Variants in AGBL1 observed in about 807,000 individuals in gnomAD.
The protein encoded by AGBL1 is cytosolic carboxypeptidase 4.
Under a neutral mutation model 118.9 loss-of-function variants are expected in AGBL1, and 130 were observed. The observed-to-expected ratio is 1.09, with a 90% CI of 0.95 to 1.26. The LOEUF is 1.26. Among genes scored for constraint, AGBL1 ranks in the 50% most tolerant of loss-of-function variants. The pLI, the probability that AGBL1 is intolerant of heterozygous loss-of-function variation, is 0.00. For synonymous variants in AGBL1, 555 were observed against 478.9 expected, an observed-to-expected ratio of 1.16 and a Z score of -2.08; for missense variants, 1,584 against 1,298.1, an observed-to-expected ratio of 1.22 and a Z score of -3.38.
intron 22 of AGBL1, among the ~76,000 whole-genome samples, chr15:86,853,996 A>G (rs1314841506): frequency 2.0e-5 from 3 of 152,176 alleles, no homozygotes; most frequent in African/African-American, 7.2e-5. Flanking sequence ...AGTGGAAAGG[A>G]CAGCAATTTT....
At chr15:86,370,557 A>T (rs1241148444) in intron 17 of AGBL1, among the ~76,000 whole-genome samples, 2 of 151,972 alleles carry the variant, frequency 1.3e-5, no homozygotes, top group Non-Finnish European at 2.9e-5. Context: ...AGCCTCCCAA[A>T]GTTCTGGGAT....
At chr15:86,888,909 C>A (rs1252778207) in intron 22 of AGBL1, among the ~76,000 whole-genome samples, 2 of 152,196 alleles carry the variant, frequency 1.3e-5, no homozygotes, top group East Asian at 3.9e-4. Context: ...CATTCATTGG[C>A]TGGAGCAATA....
At chr15:86,679,672 G>T (rs1439589721) in intron 22 of AGBL1, among the ~76,000 whole-genome samples, 2 of 152,026 alleles carry the variant, frequency 1.3e-5, no homozygotes, top group African/African-American at 2.4e-5. Flanking sequence ...TAAGAATTAA[G>T]TGAAATGGCT....
chr15:86,228,560 C>A (rs79529184), intron 6 of AGBL1, among the ~76,000 whole-genome samples: 107 of 152,254 alleles, frequency 7.0e-4, no homozygotes, highest in African/African-American at 2.6e-3. Flanking sequence ...AATCTGAGGC[C>A]ACTGAGGCCC....
At chr15:86,876,318 T>A (rs2079807408) in intron 22 of AGBL1, among the ~76,000 whole-genome samples, 1 of 151,642 alleles carries the variant, frequency 6.6e-6, no homozygotes, top group Non-Finnish European at 1.5e-5. Context: ...TCCAGACAGA[T>A]GAATAGAGAG....
At position 86,413,325 on chromosome 15, in the gene AGBL1, T is replaced by G. The variant is rs557847309; in HGVS notation, c.2555+15779T>G. 1.7e-4 allele frequency among the ~76,000 whole-genome samples: 26 copies of G among 152,292 alleles called. No individual in the cohort carries two copies. The South Asian group carries it at 5.0e-3, about 29-fold the overall frequency. On this transcript the variant is annotated intron_variant, in intron 18 of 22. Transcript: ENST00000614907. ...ACATATTTGCAATCTAGCCAGACAT[T>G]TATGTAAACTATTATGCATAATATT...
At chr15:86,271,038 G>A (rs1399759964) in intron 14 of AGBL1, among the ~76,000 whole-genome samples, 2 of 132,496 alleles carry the variant, frequency 1.5e-5, no homozygotes, top group Non-Finnish European at 3.1e-5. Flanking sequence ...CTTCAGTCAC[G>A]TTGCATTTTT....
At chr15:86,832,155 T>A (rs1260482530) in intron 22 of AGBL1, among the ~76,000 whole-genome samples, 7 of 152,158 alleles carry the variant, frequency 4.6e-5, no homozygotes, top group Admixed American at 4.6e-4. Context: ...CATGAAACCA[T>A]ATTTTCCTCC....
intron 22 of AGBL1, among the ~76,000 whole-genome samples, chr15:86,838,056 A>G (rs141159694): frequency 6.6e-6 from 1 of 152,276 alleles, no homozygotes; most frequent in East Asian, 1.9e-4. Flanking sequence ...GGGTCCTGAC[A>G]GTTATGCTAT....
chr15:86,134,873 A>G (rs965185822), intron 1 of AGBL1, among the ~76,000 whole-genome samples: 2 of 151,850 alleles, frequency 1.3e-5, no homozygotes, highest in Non-Finnish European at 2.9e-5. Context: ...TCAGCCTCCC[A>G]AAGTGCTGGG....
chr15:86,481,844 GA>G (rs1413664205), intron 18 of AGBL1, among the ~76,000 whole-genome samples: 1 of 152,120 alleles, frequency 6.6e-6, no homozygotes, highest in Non-Finnish European at 1.5e-5. Context: ...ATCTCTGATA[GA>G]TATTGTCTGA....
intron 17 of AGBL1, among the ~76,000 whole-genome samples, chr15:86,368,747 G>A (rs886678881): frequency 3.3e-5 from 5 of 152,140 alleles, no homozygotes; most frequent in African/African-American, 1.2e-4. Flanking sequence ...ACTTCCAGAA[G>A]AGAATGAAGG....
intron 22 of AGBL1, among the ~76,000 whole-genome samples, chr15:86,723,805 A>G (rs1596407564): frequency 6.6e-6 from 1 of 152,180 alleles, no homozygotes; most frequent in Admixed American, 6.5e-5. Context: ...AGTATGTGAA[A>G]GAGATGAGGG....
Position 86,297,237 on chromosome 15 carries a change from C to T in AGBL1, c.2374+1829C>T, listed in dbSNP as rs562068037. 2.6e-5 allele frequency among the ~76,000 whole-genome samples: 4 copies of T among 152,108 alleles called. No individual in the cohort carries two copies. The South Asian group carries it at 6.2e-4, about 24-fold the overall frequency. ...TCTTTTAAACACATGCTAACATATC[C>T]GATGTTCATCTCAAGAAGTATCAGA... is the stretch of plus-strand genomic sequence containing the variant. On this transcript the variant is annotated intron_variant, in intron 17 of 22. Coordinates refer to ENST00000614907, the MANE Select transcript of AGBL1 (RefSeq NM_001386094.1).
chr15:86,100,170 A>C (rs553866940), intron 1 of AGBL1, among the ~76,000 whole-genome samples: 2 of 152,270 alleles, frequency 1.3e-5, no homozygotes, highest in Non-Finnish European at 2.9e-5. Flanking sequence ...CCATTCTTGT[A>C]TCCCTGGTAT....
At chr15:86,760,560 G>C (rs908122966) in intron 22 of AGBL1, among the ~76,000 whole-genome samples, 6 of 152,066 alleles carry the variant, frequency 3.9e-5, no homozygotes, top group African/African-American at 1.4e-4. Flanking sequence ...TCCTGTGAAT[G>C]TAAATGGACC....
At chr15:86,659,336 G>A (rs1343073016) in intron 21 of AGBL1, among the ~76,000 whole-genome samples, 2 of 152,188 alleles carry the variant, frequency 1.3e-5, no homozygotes, top group African/African-American at 4.8e-5. Flanking sequence ...TTGTCAGATT[G>A]ATGGATGAGA....
chr15:86,084,701 T>A (rs1469274488), intron 1 of AGBL1, among the ~76,000 whole-genome samples: 2 of 152,180 alleles, frequency 1.3e-5, no homozygotes, highest in African/African-American at 2.4e-5. Context: ...ACTGATATCA[T>A]CTCCCACTTC....
intron 22 of AGBL1, among the ~76,000 whole-genome samples, chr15:86,832,356 G>C (rs1390118125): frequency 6.6e-6 from 1 of 152,132 alleles, no homozygotes; most frequent in African/African-American, 2.4e-5. Flanking sequence ...CAAATTTTCT[G>C]AACTTTTATA....
Sources: allele counts gnomAD v4.1 joint callset (sites outside exome capture counted in the v4.1 genomes callset), GRCh38; gene constraint gnomAD v4.1.1; transcripts MANE v1.5; gene names NCBI Gene and HGNC (gene_info 2026-07-23, HGNC 2026-07-21).